PRKAG2: variants seen among roughly 807,000 people sequenced by gnomAD.
The protein encoded by PRKAG2 is protein kinase AMP-activated non-catalytic subunit gamma 2, also known as 5'-AMP-activated protein kinase subunit gamma-2.
In PRKAG2, 26 loss-of-function variants were observed where a neutral mutation model predicts 69.6. The ratio of observed to expected loss-of-function variants is 0.37; its 90% CI spans 0.27 to 0.52. The LOEUF (loss-of-function observed/expected upper bound fraction) is 0.52, where lower values mean the gene tolerates loss of function less well. PRKAG2 is among the 20% of genes least tolerant of loss of function. The pLI is 0.90. For missense variants in PRKAG2, 557 were observed against 740.0 expected (o/e 0.75, Z 2.87); for synonymous variants, 293 against 285.0 (o/e 1.03, Z -0.28).
chr7:151,657,389 T>C (rs939674966), intron 4 of PRKAG2, among the ~76,000 whole-genome samples: 2 of 152,180 alleles, frequency 1.3e-5, no homozygotes, highest in African/African-American at 4.8e-5. Flanking sequence ...CTAAGCCTCG[T>C]GCCAATGTCC....
At position 151,807,155 on chromosome 7, in the gene PRKAG2, T is replaced by C; in HGVS notation, c.115-20614A>G. On this transcript the variant is annotated intron_variant, in intron 1 of 15. Transcript: ENST00000287878. The surrounding 1 kb of genome is among the most constrained non-coding windows in gnomAD (Gnocchi z 4.4). ...GTTCCAGATCACACTGTGGCGGTGG[T>C]CACATGACTGTGCACACTTACGACA... is the stretch of plus-strand genomic sequence containing the variant. 2.7e-6 allele frequency: 1 copy of C among 371,810 alleles called. No individual in the cohort carries two copies. Among genetic ancestry groups the C allele is most frequent in the South Asian group, 2.0e-5 (1 of 49,130 alleles). 23.0% of individuals were successfully genotyped at this position (371,810 alleles called of 1,614,324 possible). A position where few individuals can be genotyped will look rare whatever the true frequency, so the allele number is the denominator to read the frequency against.
rs537979472 is a variant in PRKAG2, at chr7:151,806,279, T to C, written c.115-19738A>G. Among the ~76,000 whole-genome samples, 8 of 152,312 alleles carry C rather than the reference T, an allele frequency of 5.3e-5. No individual in the cohort carries two copies. In the South Asian group the frequency reaches 1.7e-3, roughly 32 times the overall value. On this transcript the variant is annotated intron_variant, in intron 1 of 15. Transcript: ENST00000287878. ...GGGTGCTCTTGGGTGAACTCCTAAA[T>C]TGCTCAAGGGCTAACTTCCTCATTT...
At chr7:151,818,407 T>TA (rs369134046) in intron 1 of PRKAG2, among the ~76,000 whole-genome samples, 2 of 144,568 alleles carry the variant, frequency 1.4e-5, no homozygotes, top group African/African-American at 5.2e-5. Context: ...GCCCTTCACC[T>TA]AAAAGTCAAA....
intron 15 of PRKAG2, chr7:151,560,257 C>A: frequency 7.4e-7 from 1 of 1,343,306 alleles, no homozygotes; most frequent in Non-Finnish European, 9.7e-7. Flanking sequence ...TTATGATGAA[C>A]ATGGCAATGG....
intron 1 of PRKAG2, among the ~76,000 whole-genome samples, chr7:151,867,182 C>G (rs917866189): frequency 6.6e-6 from 1 of 152,210 alleles, no homozygotes; most frequent in Admixed American, 6.5e-5. Context: ...TCAGTGCAAG[C>G]CCCTGCCCTA....
At chr7:151,718,593 T>C in intron 3 of PRKAG2, among the ~76,000 whole-genome samples, 1 of 133,730 alleles carries the variant, frequency 7.5e-6, no homozygotes, top group Non-Finnish European at 1.5e-5. Flanking sequence ...GCTGAGTAGC[T>C]CATGAAGTCC....
Position 151,574,590 on chromosome 7 carries a change from G to A in PRKAG2, c.1005+301C>T, listed in dbSNP as rs112367952. Reference sequence around the variant, plus strand: ...ATAAGCAAAACTTACAGAACGTCTAGCTAATAAATATGTAGAATTCTGCTA... The same window carrying A: ...ATAAGCAAAACTTACAGAACGTCTAACTAATAAATATGTAGAATTCTGCTA... On this transcript the variant is annotated intron_variant, in intron 8 of 15. Coordinates refer to ENST00000287878, the MANE Select transcript of PRKAG2 (RefSeq NM_016203.4). Among the ~76,000 whole-genome samples the A allele has an allele frequency of 4.6e-3, 700 of 152,258 alleles. 12 individuals are homozygous for A. Among genetic ancestry groups the A allele is most frequent in the African/African-American group, 0.016 (661 of 41,542 alleles).
chr7:151,714,224 C>T (rs959740510), intron 3 of PRKAG2, among the ~76,000 whole-genome samples: 1 of 152,212 alleles, frequency 6.6e-6, no homozygotes, highest in African/African-American at 2.4e-5. Flanking sequence ...ATTAAACATC[C>T]TATGCAGTTA....
chr7:151,857,311 C>G (rs1188105785), intron 1 of PRKAG2, among the ~76,000 whole-genome samples: 1 of 150,006 alleles, frequency 6.7e-6, no homozygotes, highest in African/African-American at 2.5e-5. Flanking sequence ...CTACAGAGTT[C>G]TGCACAAATG....
chr7:151,865,819 A>G (rs985385025), intron 1 of PRKAG2, among the ~76,000 whole-genome samples: 1 of 152,146 alleles, frequency 6.6e-6, no homozygotes, highest in Admixed American at 6.5e-5. Flanking sequence ...GGAGATTGAG[A>G]CCATCCTGGC....
chr7:151,841,985 CGTAGTGATGGTAGGTAGGGATG>C (rs1217945838), intron 1 of PRKAG2, among the ~76,000 whole-genome samples: 10 of 48,508 alleles, frequency 2.1e-4, no homozygotes, highest in East Asian at 1.3e-3. Context: ...AGTGATGGTA[CGTAGTGATGGTAGGTAGGGATG>C]GTAGTGATGG....
At chr7:151,833,171 G>C (rs922293467) in intron 1 of PRKAG2, among the ~76,000 whole-genome samples, 2 of 152,220 alleles carry the variant, frequency 1.3e-5, no homozygotes, top group African/African-American at 4.8e-5. Flanking sequence ...GTGCAACAGA[G>C]AGCGCGTGAG....
At chr7:151,578,105 C>T (rs1585013110) in intron 6 of PRKAG2, among the ~76,000 whole-genome samples, 4 of 151,248 alleles carry the variant, frequency 2.6e-5, no homozygotes, top group Non-Finnish European at 4.4e-5. Context: ...CTCTGGGAGG[C>T]CCCCCGAGAT....
At chr7:151,805,295 G>C in intron 1 of PRKAG2, among the ~76,000 whole-genome samples, 1 of 152,168 alleles carries the variant, frequency 6.6e-6, no homozygotes, top group Non-Finnish European at 1.5e-5. Flanking sequence ...GCCACGTGGA[G>C]AGGCTGCACG....
chr7:151,868,361 A>G (rs2080129922), intron 1 of PRKAG2, among the ~76,000 whole-genome samples: 1 of 152,232 alleles, frequency 6.6e-6, no homozygotes, highest in Non-Finnish European at 1.5e-5. Context: ...GTCTGGGGGC[A>G]TAAGCCATGC....
At chr7:151,629,275 G>T (rs1823791159) in intron 5 of PRKAG2, among the ~76,000 whole-genome samples, 1 of 152,262 alleles carries the variant, frequency 6.6e-6, no homozygotes, top group African/African-American at 2.4e-5. Context: ...TTCCAAGAGG[G>T]GTCTGTGAAC....
chr7:151,776,404 G>C (rs1292708633), intron 3 of PRKAG2, among the ~76,000 whole-genome samples: 1 of 140,854 alleles, frequency 7.1e-6, no homozygotes, highest in Admixed American at 7.7e-5. Flanking sequence ...GAGTGAACCT[G>C]GGGATTTTCT....
At chr7:151,624,177 T>C (rs1822270098) in intron 5 of PRKAG2, among the ~76,000 whole-genome samples, 1 of 142,012 alleles carries the variant, frequency 7.0e-6, no homozygotes, top group Non-Finnish European at 1.5e-5. Context: ...TACATATATA[T>C]ATATTTTTTT....
chr7:151,875,255 C>G (rs2080357775), intron 1 of PRKAG2, among the ~76,000 whole-genome samples: 1 of 151,984 alleles, frequency 6.6e-6, no homozygotes, highest in Admixed American at 6.6e-5. Flanking sequence ...TGTGGGGCTA[C>G]TTGGCATCAG....
Sources: allele counts gnomAD v4.1 joint callset (sites outside exome capture counted in the v4.1 genomes callset), GRCh38; gene constraint gnomAD v4.1.1; non-coding constraint Gnocchi (gnomAD v3.1); transcripts MANE v1.5; gene names NCBI Gene and HGNC (gene_info 2026-07-23, HGNC 2026-07-21).